NIBAN2: variants seen among roughly 807,000 people sequenced by gnomAD.
NIBAN2 encodes the protein protein Niban 2.
In NIBAN2, 36 loss-of-function variants were observed where a neutral mutation model predicts 81.8. That is an observed-to-expected ratio of 0.44 (90% CI 0.34 to 0.58). NIBAN2 has a LOEUF of 0.58. NIBAN2 is among the 20% of genes least tolerant of loss of function. The pLI is 0.02. For synonymous variants in NIBAN2, 445 were observed against 441.6 expected (o/e 1.01, Z -0.10); for missense variants, 897 against 1,014.1 (o/e 0.88, Z 1.57).
chr9:127,541,998 C>G (rs1254919245), intron 1 of NIBAN2, among the ~76,000 whole-genome samples: 1 of 152,124 alleles, frequency 6.6e-6, no homozygotes, highest in Non-Finnish European at 1.5e-5. Context: ...CACTGCCCCC[C>G]AGCCAGGCCA....
At chr9:127,515,746 A>C (rs1836818308) in intron 8 of NIBAN2, among the ~76,000 whole-genome samples, 1 of 151,758 alleles carries the variant, frequency 6.6e-6, no homozygotes, top group Admixed American at 6.6e-5. Context: ...CTGAGGCAGG[A>C]GAATTGCTTG....
intron 1 of NIBAN2, among the ~76,000 whole-genome samples, chr9:127,543,306 G>A (rs1180833232): frequency 6.6e-6 from 1 of 152,124 alleles, no homozygotes; most frequent in Non-Finnish European, 1.5e-5. Context: ...ACATAGACCC[G>A]GACAACAGCT....
chr9:127,549,390 C>T lies in NIBAN2; in HGVS notation c.56-17612G>A, dbSNP rs544813911. Among the ~76,000 whole-genome samples the T allele has an allele frequency of 1.1e-3, 166 of 151,604 alleles. 1 individual carries two copies. The highest frequency in any genetic ancestry group is 4.2e-3 in the Admixed American group (64 of 15,244). Reference sequence around the variant, plus strand: ...GCACTCACATGTGCATGCACATGCACGCACACACACTCACATGCACGCCCA... The same window carrying T: ...GCACTCACATGTGCATGCACATGCATGCACACACACTCACATGCACGCCCA... On this transcript the variant is annotated intron_variant, in intron 1 of 13. Transcript: ENST00000373312.
At chr9:127,512,435 C>A (rs187382416) in intron 8 of NIBAN2, among the ~76,000 whole-genome samples, 9 of 152,164 alleles carry the variant, frequency 5.9e-5, no homozygotes, top group African/African-American at 1.2e-4. Flanking sequence ...TACAGGCATG[C>A]GCCACCACAT....
chr9:127,550,029 G>C lies in NIBAN2; in HGVS notation c.56-18251C>G, dbSNP rs375291421. On this transcript the variant is annotated intron_variant, in intron 1 of 13. Coordinates refer to ENST00000373312, the MANE Select transcript of NIBAN2 (RefSeq NM_022833.4). The stretch of plus-strand genomic sequence containing the variant: ...GTGGTCTTGGTCTGCTTCCCCGGGG[G>C]AGTCCCTTGAGGGTGAGTGGGGACC... 1.5e-3 allele frequency among the ~76,000 whole-genome samples: 231 copies of C among 152,320 alleles called. 7 individuals carry two copies. The South Asian group carries it at 0.046, about 30-fold the overall frequency.
intron 1 of NIBAN2, among the ~76,000 whole-genome samples, chr9:127,575,015 G>A (rs1200796437): frequency 6.6e-6 from 1 of 152,192 alleles, no homozygotes; most frequent in Non-Finnish European, 1.5e-5. Flanking sequence ...GGAGCCAGAG[G>A]AATTGTTGTA....
chr9:127,525,975 C>T (rs1358252192), intron 3 of NIBAN2, among the ~76,000 whole-genome samples: 2 of 152,182 alleles, frequency 1.3e-5, no homozygotes, highest in Admixed American at 6.5e-5. Context: ...TACAGCAGGG[C>T]TACCATGCTA....
At chr9:127,570,443 C>A (rs535652000), upstream of NIBAN2, among the ~76,000 whole-genome samples, 1 of 152,158 alleles carries the variant, frequency 6.6e-6, no homozygotes, top group Non-Finnish European at 1.5e-5. Flanking sequence ...AGTGGCATTA[C>A]CCCTTTGAAC....
chr9:127,563,637 C>T lies in NIBAN2; in HGVS notation c.55+5183G>A, dbSNP rs1477041712. ...TCCCGGGTTCAAGCGATTCTTGTGCCGCAGCCTCCCAAGTAGCTGGGACTA... is the reference window on the plus strand; with the variant it reads ...TCCCGGGTTCAAGCGATTCTTGTGCTGCAGCCTCCCAAGTAGCTGGGACTA... On this transcript the variant is annotated intron_variant, in intron 1 of 13. Coordinates refer to ENST00000373312, the MANE Select transcript of NIBAN2 (RefSeq NM_022833.4). The surrounding 1 kb of genome is among the most constrained non-coding windows in gnomAD (Gnocchi z 4.1). Among the ~76,000 whole-genome samples the T allele has an allele frequency of 2.0e-5, 3 of 151,964 alleles. No individual in the cohort carries two copies. Among genetic ancestry groups the T allele is most frequent in the Non-Finnish European group, 2.9e-5 (2 of 68,014 alleles).
Position 127,517,793 on chromosome 9 carries a change from C to A in NIBAN2, c.705+33G>T. 2 of 1,552,134 alleles carry A rather than the reference C, an allele frequency of 1.3e-6. No homozygotes were observed. The highest frequency in any genetic ancestry group is 1.8e-6 in the Non-Finnish European group (2 of 1,127,474). ...CCCCTGCTGGGTCCTTGGGTGACTT[C>A]TGAGGTTTCCTCACCAGCCCGTCTG... is the stretch of plus-strand genomic sequence containing the variant. On this transcript the variant is annotated intron_variant, in intron 6 of 13. Transcript: ENST00000373312. This position sits in a 1 kb window ranked among gnomAD's most constrained non-coding sequence, Gnocchi z 4.0.
intron 4 of NIBAN2, among the ~76,000 whole-genome samples, chr9:127,524,586 GGAATCCAGGAATGCCGCTC>G (rs1259010063): frequency 1.3e-5 from 2 of 151,480 alleles, no homozygotes; most frequent in African/African-American, 4.8e-5. Flanking sequence ...GAATGCTGCT[GGAATCCAGGAATGCCGCTC>G]GAATCCAGGA....
intron 1 of NIBAN2, among the ~76,000 whole-genome samples, chr9:127,553,390 A>G (rs112652335): frequency 3.9e-5 from 6 of 152,322 alleles, no homozygotes; most frequent in African/African-American, 1.4e-4. Context: ...CAGGCTGCTG[A>G]GGCTCCTCCA....
intron 8 of NIBAN2, among the ~76,000 whole-genome samples, chr9:127,512,594 G>A (rs1005020814): frequency 1.3e-5 from 2 of 151,988 alleles, no homozygotes; most frequent in African/African-American, 2.4e-5. Context: ...CCCATTTTAC[G>A]TATGTTGATT....
chr9:127,572,662 T>G (rs897426327), upstream of NIBAN2, among the ~76,000 whole-genome samples: 1 of 152,102 alleles, frequency 6.6e-6, no homozygotes, highest in Non-Finnish European at 1.5e-5. Context: ...CCAAGGACTT[T>G]TCTGCCTCCT....
chr9:127,527,085 C>T (rs978710092), intron 3 of NIBAN2, 109 bp downstream of exon 3: 11 of 1,390,988 alleles, frequency 7.9e-6, no homozygotes, highest in African/African-American at 7.1e-5. Context: ...CTGGTGACCG[C>T]GTGCAGGCTG....
Position 127,559,656 on chromosome 9 carries a change from T to C in NIBAN2, c.55+9164A>G, listed in dbSNP as rs1315279981. Among the ~76,000 whole-genome samples the C allele has an allele frequency of 2.0e-5, 3 of 152,206 alleles. No individual in the cohort carries two copies. Among genetic ancestry groups the C allele is most frequent in the African/African-American group, 7.2e-5 (3 of 41,450 alleles). ...AGATGGACAGCAGCTGCAGTTGGCT[T>C]GGCCACAGATGGGCAGGTGGGAAAG... is the stretch of plus-strand genomic sequence containing the variant. On this transcript the variant is annotated intron_variant, in intron 1 of 13. Coordinates refer to ENST00000373312, the MANE Select transcript of NIBAN2 (RefSeq NM_022833.4). This position sits in a 1 kb window ranked among gnomAD's most constrained non-coding sequence, Gnocchi z 4.0.
chr9:127,562,160 C>T (rs548027005), intron 1 of NIBAN2, among the ~76,000 whole-genome samples: 2 of 152,248 alleles, frequency 1.3e-5, no homozygotes, highest in East Asian at 1.9e-4. Flanking sequence ...GGGAGACTGA[C>T]ACAAGCTGCT....
rs1209053000 is a variant in NIBAN2 at position 127,508,301 on chromosome 9, A to G, written c.1435-101T>C. The stretch of plus-strand genomic sequence containing the variant: ...GTCTGACCCAAGCCTCCGAGTCCTC[A>G]TCCGCACAAGAGGACCATGGCGCCT... On this transcript the variant is annotated intron_variant, in intron 11 of 13. Coordinates refer to ENST00000373312, the MANE Select transcript of NIBAN2 (RefSeq NM_022833.4). The surrounding 1 kb of genome is among the most constrained non-coding windows in gnomAD (Gnocchi z 6.4). 1.3e-5 allele frequency: 17 copies of G among 1,314,570 alleles called. No individual in the cohort carries two copies. The highest frequency in any genetic ancestry group is 1.8e-5 in the Non-Finnish European group (17 of 921,388). 81.4% of individuals were successfully genotyped at this position (1,314,570 alleles called of 1,614,324 possible).
intron 1 of NIBAN2, among the ~76,000 whole-genome samples, chr9:127,565,026 T>G (rs1003948806): frequency 6.6e-6 from 1 of 152,178 alleles, no homozygotes; most frequent in African/African-American, 2.4e-5. Flanking sequence ...TATTTTACCC[T>G]CCTAAATTGT....
Sources: gnomAD v4.1 joint callset for allele counts (sites outside exome capture counted in the v4.1 genomes callset) on GRCh38, gnomAD v4.1.1 for gene constraint, Gnocchi (gnomAD v3.1) non-coding constraint, MANE v1.5 for transcripts, NCBI Gene and HGNC (gene_info 2026-07-23, HGNC 2026-07-21) for gene names.